GPC5: variants seen among roughly 807,000 people sequenced by gnomAD.
GPC5 encodes the protein glypican-5.
Under a neutral mutation model 53.9 loss-of-function variants are expected in GPC5, and 47 were observed. The observed-to-expected ratio is 0.87, with a 90% confidence interval of 0.69 to 1.11. The LOEUF is 1.11. GPC5 is among the 50% of genes most tolerant of loss of function. The pLI, the probability that GPC5 is intolerant of heterozygous loss-of-function variation, is 0.00. For missense variants in GPC5, 748 were observed against 713.1 expected (o/e 1.05, Z -0.56); for synonymous variants, 286 against 263.3 (o/e 1.09, Z -0.84).
chr13:91,843,793 GA>G (rs34321985), intron 5 of GPC5, among the ~76,000 whole-genome samples: 7,333 of 152,162 alleles, frequency 0.048, 368 homozygotes, highest in East Asian at 0.22. Flanking sequence ...CAATGTTAAA[GA>G]AAAGGGGGAA....
chr13:91,489,481 C>T (rs778847914), intron 2 of GPC5, among the ~76,000 whole-genome samples: 2 of 152,132 alleles, frequency 1.3e-5, no homozygotes, highest in African/African-American at 4.8e-5. Context: ...ATAAGTAGTA[C>T]AGAATAACGT....
At chr13:92,699,973 T>C (rs1435338065) in intron 7 of GPC5, among the ~76,000 whole-genome samples, 1 of 152,156 alleles carries the variant, frequency 6.6e-6, no homozygotes, top group African/African-American at 2.4e-5. Context: ...GTTCAAATCC[T>C]GGATATCCTT....
In GPC5 at chr13:92,369,350, A is replaced by AT. The variant is rs199534922; in HGVS notation, c.1561+224369dup. ...AGGTGTGTGCTACCATGCCTGGCTA[A>AT]TTTTTTTTGTAGAAATGAGGTTTTG... On this transcript the variant is annotated intron_variant, in intron 7 of 7. Coordinates refer to ENST00000377067, the MANE Select transcript of GPC5 (RefSeq NM_004466.6). 9.2e-4 allele frequency among the ~76,000 whole-genome samples: 139 copies of AT among 151,906 alleles called. 3 individuals carry two copies. The East Asian group carries it at 0.02, about 22-fold the overall frequency.
intron 2 of GPC5, among the ~76,000 whole-genome samples, chr13:91,535,241 G>C (rs899213934): frequency 3.3e-5 from 5 of 152,064 alleles, no homozygotes; most frequent in Admixed American, 6.6e-5. Flanking sequence ...TTTCATTAGA[G>C]TGGCCATTTC....
intron 7 of GPC5, among the ~76,000 whole-genome samples, chr13:92,422,666 G>A (rs868270796): frequency 2.6e-5 from 4 of 152,106 alleles, no homozygotes; most frequent in South Asian, 2.1e-4. Flanking sequence ...TCCACACAAG[G>A]CTGGTTCTCA....
chr13:91,462,560 G>A (rs1054348235), intron 2 of GPC5, among the ~76,000 whole-genome samples: 20 of 152,082 alleles, frequency 1.3e-4, no homozygotes, highest in African/African-American at 4.6e-4. Flanking sequence ...TTTCCTACCC[G>A]CTGAAAATGT....
At chr13:92,049,784 C>A (rs1436270293) in intron 6 of GPC5, among the ~76,000 whole-genome samples, 1 of 152,032 alleles carries the variant, frequency 6.6e-6, no homozygotes, top group Non-Finnish European at 1.5e-5. Flanking sequence ...ATGACCAAAA[C>A]ATGCATAAAA....
chr13:91,920,565 C>T lies in GPC5; in HGVS notation c.1401+12508C>T, dbSNP rs868340844. 3.9e-5 allele frequency among the ~76,000 whole-genome samples: 6 copies of T among 152,294 alleles called. No individual in the cohort carries two copies. The South Asian group carries it at 6.2e-4, about 16-fold the overall frequency. On this transcript the variant is annotated intron_variant, in intron 6 of 7. Transcript: ENST00000377067. The stretch of plus-strand genomic sequence containing the variant: ...GACCATCACAATGAATGAAAACACA[C>T]GTGCCTACACACACACAGACATGCA...
intron 7 of GPC5, among the ~76,000 whole-genome samples, chr13:92,534,863 G>A (rs181878961): frequency 4.6e-5 from 7 of 152,250 alleles, no homozygotes; most frequent in Admixed American, 3.3e-4. Context: ...ATAGCTAGAG[G>A]AGGATAGGAA....
intron 5 of GPC5, among the ~76,000 whole-genome samples, chr13:91,846,850 ATAT>A (rs754783610): frequency 4.4e-4 from 67 of 152,228 alleles, no homozygotes; most frequent in Non-Finnish European, 8.8e-4. Flanking sequence ...AAAATGGATA[ATAT>A]TATTGGAAAA....
chr13:92,477,009 CA>C (rs1220126723), intron 7 of GPC5, among the ~76,000 whole-genome samples: 15 of 149,594 alleles, frequency 1.0e-4, no homozygotes, highest in African/African-American at 3.7e-4. Flanking sequence ...CTAACCTGCA[CA>C]ATGTGCACAT....
intron 5 of GPC5, among the ~76,000 whole-genome samples, chr13:91,848,875 A>G (rs1457828126): frequency 1.3e-5 from 2 of 152,216 alleles, no homozygotes; most frequent in African/African-American, 2.4e-5. Flanking sequence ...TAACTTTAAA[A>G]AATCAGATAT....
chr13:92,613,329 T>C lies in GPC5; in HGVS notation c.1562-252953T>C, dbSNP rs1206223257. On this transcript the variant is annotated intron_variant, in intron 7 of 7. Coordinates refer to ENST00000377067, the MANE Select transcript of GPC5 (RefSeq NM_004466.6). ...ATAATGTATATAATAAATATTTATA[T>C]AATATAATATATTTATATATAAATA... is the stretch of plus-strand genomic sequence containing the variant. Among the ~76,000 whole-genome samples, 5 of 98,008 alleles carry C rather than the reference T, an allele frequency of 5.1e-5. No homozygotes were observed. The Admixed American group carries it at 8.1e-4, about 16-fold the overall frequency. The allele number at this position is 98,008 out of a possible 152,430, so 64.3% of individuals were successfully genotyped here. A position where few individuals can be genotyped will look rare whatever the true frequency, so the allele number is the denominator to read the frequency against.
chr13:92,503,189 T>A (rs1270124465), intron 7 of GPC5, among the ~76,000 whole-genome samples: 2 of 151,950 alleles, frequency 1.3e-5, no homozygotes, highest in Non-Finnish European at 2.9e-5. Context: ...ATCCAAATAA[T>A]GTACATTGTA....
At chr13:92,297,366 G>C (rs1273490125) in intron 7 of GPC5, among the ~76,000 whole-genome samples, 1 of 146,654 alleles carries the variant, frequency 6.8e-6, no homozygotes, top group African/African-American at 2.6e-5. Flanking sequence ...CCTGTGTTTA[G>C]CTCAAGGTTT....
At chr13:91,988,183 C>A (rs1320773375) in intron 6 of GPC5, among the ~76,000 whole-genome samples, 1 of 151,720 alleles carries the variant, frequency 6.6e-6, no homozygotes, top group African/African-American at 2.4e-5. Context: ...CATTTCAACC[C>A]AAGATCAAAC....
At chr13:92,851,263 G>T (rs1398650993) in intron 7 of GPC5, among the ~76,000 whole-genome samples, 3 of 152,110 alleles carry the variant, frequency 2.0e-5, no homozygotes, top group African/African-American at 7.2e-5. Context: ...AGATTTGGAC[G>T]GGGACACAGA....
At chr13:92,152,886 T>G (rs2041917633) in intron 7 of GPC5, among the ~76,000 whole-genome samples, 1 of 152,184 alleles carries the variant, frequency 6.6e-6, no homozygotes, top group African/African-American at 2.4e-5. Context: ...TCCATGGCCC[T>G]ATAGGCCCCT....
chr13:91,686,033 C>T lies in GPC5; in HGVS notation c.326-7154C>T, dbSNP rs142920781. Among the ~76,000 whole-genome samples the T allele has an allele frequency of 5.3e-5, 8 of 151,776 alleles. No homozygotes were observed. The East Asian group carries it at 7.7e-4, about 15-fold the overall frequency. On this transcript the variant is annotated intron_variant, in intron 2 of 7. Coordinates refer to ENST00000377067, the MANE Select transcript of GPC5 (RefSeq NM_004466.6). ...TAAAGTTGTGAGTAAGAAACTCTTC[C>T]GTATAGCTCCTTTGTAGTTCTAGAT...
Sources: allele counts gnomAD v4.1 joint callset (sites outside exome capture counted in the v4.1 genomes callset), GRCh38; gene constraint gnomAD v4.1.1; transcripts MANE v1.5; gene names NCBI Gene and HGNC (gene_info 2026-07-23, HGNC 2026-07-21).